The following PPP2R3C variants were observed in gnomAD, a reference collection of about 807,000 sequenced individuals.
The protein encoded by PPP2R3C is serine/threonine-protein phosphatase 2A regulatory subunit B'' subunit gamma.
PPP2R3C carries 47 observed loss-of-function variants against 63.7 expected under a neutral mutation model. That is an observed-to-expected ratio of 0.74 (90% CI 0.58 to 0.94). The LOEUF (loss-of-function observed/expected upper bound fraction) is 0.94, where lower values mean the gene tolerates loss of function less well. PPP2R3C is among the 40% of genes least tolerant of loss of function. The pLI, the probability that PPP2R3C is intolerant of heterozygous loss-of-function variation, is 0.00. For synonymous variants in PPP2R3C, 180 were observed against 177.4 expected, an observed-to-expected ratio of 1.01 and a Z score of -0.12; for missense variants, 421 against 518.4, an observed-to-expected ratio of 0.81 and a Z score of 1.82.
intron 9 of PPP2R3C, among the ~76,000 whole-genome samples, chr14:35,095,848 C>G (rs1330314672): frequency 4.3e-4 from 44 of 103,084 alleles, no homozygotes; most frequent in Admixed American, 1.7e-3. Context: ...AAGACTCTAT[C>G]TCCAAAAAAA....
chr14:35,112,478 G>C (rs897082597), intron 2 of PPP2R3C, among the ~76,000 whole-genome samples: 2 of 152,060 alleles, frequency 1.3e-5, no homozygotes, highest in African/African-American at 4.8e-5. Flanking sequence ...TAAACCTTAC[G>C]TCAAAACTTG....
At chr14:35,117,992 C>A (rs774877343) in intron 1 of PPP2R3C, among the ~76,000 whole-genome samples, 1 of 152,090 alleles carries the variant, frequency 6.6e-6, no homozygotes, top group Non-Finnish European at 1.5e-5. Flanking sequence ...CCATGCCTGG[C>A]CTATTATGTT....
intron 2 of PPP2R3C, among the ~76,000 whole-genome samples, chr14:35,115,167 C>CT (rs1201457543): frequency 0.023 from 3,005 of 132,228 alleles, 110 homozygotes; most frequent in African/African-American, 0.075. Context: ...TTTTCTTTTT[C>CT]TTTTTTTTTT....
intron 7 of PPP2R3C, 61 bp downstream of exon 7, chr14:35,099,191 A>T (rs1468961676): frequency 1.4e-6 from 2 of 1,397,284 alleles, no homozygotes; most frequent in Admixed American, 3.5e-5. Context: ...TTCTCTAGTT[A>T]TTGAGATTTA....
intron 12 of PPP2R3C, chr14:35,086,497 C>T (rs984241951): frequency 6.8e-6 from 1 of 146,720 alleles, no homozygotes; most frequent in African/African-American, 2.5e-5. Flanking sequence ...CTGCGCCCAG[C>T]CTTTTTTTTT....
intron 1 of PPP2R3C, among the ~76,000 whole-genome samples, chr14:35,119,953 G>C (rs569308726): frequency 2.0e-5 from 3 of 147,308 alleles, no homozygotes; most frequent in Non-Finnish European, 4.4e-5. Flanking sequence ...CCGGGTTCAC[G>C]CCATTCTCCT....
intron 12 of PPP2R3C, chr14:35,086,698 A>G (rs1421995765): frequency 1.3e-5 from 2 of 151,500 alleles, no homozygotes; most frequent in African/African-American, 4.9e-5. Context: ...GGGTTTCTCC[A>G]TATTGGTCAG....
chr14:35,121,198 G>A (rs56240056), intron 1 of PPP2R3C, among the ~76,000 whole-genome samples: 31,618 of 152,060 alleles, frequency 0.21, 3,969 homozygotes, highest in Non-Finnish European at 0.29. Flanking sequence ...CCAATATGGC[G>A]AAACCCCGTC....
chr14:35,115,163 TTTTC>T (rs947051029), intron 2 of PPP2R3C, among the ~76,000 whole-genome samples: 1 of 150,594 alleles, frequency 6.6e-6, no homozygotes, highest in African/African-American at 2.5e-5. Context: ...TTTTTTTTCT[TTTTC>T]TTTTTTTTTT....
intron 6 of PPP2R3C, chr14:35,099,741 CTTTT>C (rs11393206): frequency 1.3e-4 from 21 of 156,304 alleles, no homozygotes; most frequent in Middle Eastern, 2.9e-3. Flanking sequence ...TTCTTTCCCT[CTTTT>C]TTTTTTTTTT....
rs2138611354 is a variant in PPP2R3C at position 35,091,121 on chromosome 14, A to G, written c.1062T>C (p.Asp354=). 4 of 1,608,460 alleles carry G rather than the reference A, an allele frequency of 2.5e-6. No individual in the cohort carries two copies. The highest frequency in any genetic ancestry group is 1.9e-4 in the Middle Eastern group (1 of 5,226). ...AALQYIFKLL[D]IENKGYLNVF... is the part of the protein sequence containing the mutation. ...CATTCAGGTATCCTTTGTTCTCAAT[A>G]TCAAGCAGTTTGAAAATATATTGTA... Residue 354 remains aspartate (D), a synonymous_variant, in exon 11 of 13, where the codon GAT becomes GAC. Coordinates refer to ENST00000261475, the MANE Select transcript of PPP2R3C (RefSeq NM_017917.4).
In PPP2R3C at chr14:35,091,189, C is replaced by G; in HGVS notation, c.994G>C (p.Asp332His). ...CTGTTTTCTAATGCAAGGACAAAGT[C>G]CAAGTAGGTCTTATAGTCCTACAGA... ...DGEMDYKTYL[D>H]FVLALENRKE... The change falls in exon 11 of 13, where the codon GAC (aspartate) becomes CAC (histidine). Residue 332 changes from aspartate (D) to histidine (H), a missense_variant. Physicochemically the swap from Asp to His is moderately conservative, Grantham distance 81. This residue lies in a region of PPP2R3C where 231 missense variants were observed against 264.8 expected (regional missense o/e 0.87). Coordinates refer to ENST00000261475, the MANE Select transcript of PPP2R3C (RefSeq NM_017917.4). 1 of 1,610,492 alleles carries G rather than the reference C, an allele frequency of 6.2e-7. No homozygotes were observed. The highest frequency in any genetic ancestry group is 8.5e-7 in the Non-Finnish European group (1 of 1,178,786).
chr14:35,094,581 T>G (rs1054995482), intron 10 of PPP2R3C, among the ~76,000 whole-genome samples: 1 of 152,078 alleles, frequency 6.6e-6, no homozygotes, highest in African/African-American at 2.4e-5. Flanking sequence ...ATAATGCAGA[T>G]GTTTTAATTT....
At chr14:35,119,124 G>A (rs1453691658) in intron 1 of PPP2R3C, among the ~76,000 whole-genome samples, 1 of 149,268 alleles carries the variant, frequency 6.7e-6, no homozygotes, top group South Asian at 2.1e-4. Flanking sequence ...CGCAACTTCT[G>A]CCTCCTGGGT....
chr14:35,091,893 A>G (rs1201477794), intron 10 of PPP2R3C, among the ~76,000 whole-genome samples: 1 of 150,580 alleles, frequency 6.6e-6, no homozygotes, highest in East Asian at 2.0e-4. Context: ...GCTAATTTTT[A>G]TATTTTTAGT....
chr14:35,092,041 G>A (rs936074667), intron 10 of PPP2R3C, among the ~76,000 whole-genome samples: 13 of 150,848 alleles, frequency 8.6e-5, no homozygotes, highest in African/African-American at 3.2e-4. Context: ...TTTTATGAGA[G>A]ATTTGCTGTG....
At chr14:35,117,690 TCTG>T (rs2138720372) in intron 1 of PPP2R3C, among the ~76,000 whole-genome samples, 1 of 152,214 alleles carries the variant, frequency 6.6e-6, no homozygotes, top group East Asian at 1.9e-4. Flanking sequence ...TTCTGCTGCA[TCTG>T]TTAATTTTTT....
At chr14:35,086,762 T>G (rs1407885097) in intron 12 of PPP2R3C, 1 of 152,794 alleles carries the variant, frequency 6.5e-6, no homozygotes, top group African/African-American at 2.4e-5. Flanking sequence ...CCTCCCAAAG[T>G]GCTGGGATTA....
chr14:35,096,864 A>G (rs1303481390), intron 7 of PPP2R3C, 100 bp from the exon 8 acceptor site: 14 of 1,110,622 alleles, frequency 1.3e-5, no homozygotes, highest in Non-Finnish European at 1.6e-5. Context: ...CACACAATTG[A>G]TATTTTAAAG....
Sources: gnomAD v4.1 joint callset for allele counts (sites outside exome capture counted in the v4.1 genomes callset) on GRCh38, gnomAD v4.1.1 for gene constraint, gnomAD v4.1.1 regional missense constraint, MANE v1.5 for transcripts, NCBI Gene and HGNC (gene_info 2026-07-23, HGNC 2026-07-21) for gene names.